Variants in A2ML1 observed in about 807,000 individuals in gnomAD.
A2ML1 encodes the protein alpha-2-macroglobulin-like protein 1.
In A2ML1, 161 loss-of-function variants were observed where a neutral mutation model predicts 181.9. That is an observed-to-expected ratio of 0.89 (90% CI 0.78 to 1.01). A2ML1 has a LOEUF of 1.01. Among genes scored for constraint, A2ML1 ranks in the 50% least tolerant of loss-of-function variants. The probability of loss-of-function intolerance (pLI) is 0.00; values close to 1 mark genes in which losing one functional copy is unlikely to be tolerated. For synonymous variants in A2ML1, 663 were observed against 666.8 expected (o/e 0.99, Z 0.09); for missense variants, 1,670 against 1,768.1 (o/e 0.94, Z 1.00).
downstream of A2ML1, among the ~76,000 whole-genome samples, chr12:8,880,340 G>C (rs1166942689): frequency 6.6e-6 from 1 of 152,068 alleles, no homozygotes; most frequent in Non-Finnish European, 1.5e-5. Context: ...CACTCCAGGA[G>C]CCTGGGCAAC....
At chr12:8,834,719 G>A (rs1943217463) in intron 5 of A2ML1, 37 bp downstream of exon 5, 1 of 1,612,842 alleles carries the variant, frequency 6.2e-7, no homozygotes, top group Non-Finnish European at 8.5e-7. Context: ...TGTCAGTTGT[G>A]GAAGAGGAAG....
chr12:8,866,864 G>A (rs10219707), intron 29 of A2ML1, among the ~76,000 whole-genome samples: 54,843 of 151,904 alleles, frequency 0.36, 11,469 homozygotes, highest in East Asian at 0.8. Flanking sequence ...GATATTTTTT[G>A]TAATAGATAT....
chr12:8,845,518 T>C lies in A2ML1; in HGVS notation c.1537+16T>C. ...AAGAAGAAAGGTGAGTGTACATGCT[T>C]TTCCCGGAAGCAAACAGGATATTTT... On this transcript the variant is annotated intron_variant, in intron 13 of 35. Coordinates refer to ENST00000299698, the MANE Select transcript of A2ML1 (RefSeq NM_144670.6). 1 of 1,613,858 alleles carries C rather than the reference T, an allele frequency of 6.2e-7. No homozygotes were observed. The highest frequency in any genetic ancestry group is 8.5e-7 in the Non-Finnish European group (1 of 1,179,836).
intron 33 of A2ML1, among the ~76,000 whole-genome samples, chr12:8,872,085 A>G (rs948323633): frequency 1.3e-5 from 2 of 151,916 alleles, no homozygotes; most frequent in African/African-American, 4.8e-5. Context: ...TGGCTGAGGC[A>G]CAAGAATGGC....
At chr12:8,868,904 A>G (rs1048515108) in intron 32 of A2ML1, among the ~76,000 whole-genome samples, 1 of 152,128 alleles carries the variant, frequency 6.6e-6, no homozygotes, top group Non-Finnish European at 1.5e-5. Context: ...GTATGTACAT[A>G]TATGTGTGCA....
In A2ML1 at chr12:8,858,104, T is replaced by C. The variant is rs1256208613; in HGVS notation, c.3264+2T>C. ...AATCTCCTTCACACAGCTATGAAGG[T>C]GCGGATCTGTCCAGGAGCCTGCAGC... On this transcript the variant is annotated splice_donor_variant, in intron 26 of 35. Transcript: ENST00000299698. LOFTEE classifies it high-confidence loss of function. 2 of 1,613,710 alleles carry C rather than the reference T, an allele frequency of 1.2e-6. No homozygotes were observed. Among genetic ancestry groups the C allele is most frequent in the African/African-American group, 2.7e-5 (2 of 74,852 alleles).
intron 15 of A2ML1, among the ~76,000 whole-genome samples, chr12:8,848,297 A>G (rs980645858): frequency 1.3e-5 from 2 of 152,080 alleles, no homozygotes; most frequent in African/African-American, 2.4e-5. Flanking sequence ...CCTGACCAAC[A>G]TGGTGAAACC....
intron 4 of A2ML1, among the ~76,000 whole-genome samples, chr12:8,832,938 T>A (rs1012494917): frequency 4.6e-5 from 7 of 151,780 alleles, no homozygotes; most frequent in Admixed American, 4.6e-4. Flanking sequence ...ACTCAGTTAT[T>A]CAGAAACTCC....
At position 8,868,156 on chromosome 12, in the gene A2ML1, G is replaced by C. The variant is rs1244542279; in HGVS notation, c.3934-74G>C. 2.5e-6 allele frequency: 4 copies of C among 1,610,148 alleles called. No homozygotes were observed. In the African/African-American group the frequency reaches 5.4e-5, roughly 22 times the overall value. On this transcript the variant is annotated intron_variant, in intron 30 of 35. Transcript: ENST00000299698. The stretch of plus-strand genomic sequence containing the variant: ...CTCTCTCTTTCTTTCTCACTTGTAA[G>C]AAAAGTAGTTTGAACTGTACAATCT...
chr12:8,869,450 C>T (rs950262065), intron 33 of A2ML1, among the ~76,000 whole-genome samples: 11 of 148,940 alleles, frequency 7.4e-5, no homozygotes, highest in Non-Finnish European at 1.5e-4. Flanking sequence ...CTGGTAGACA[C>T]ATTTAAAAAG....
In A2ML1 at chr12:8,836,260, C is replaced by T; in HGVS notation, c.649C>T (p.Pro217Ser). Residue 217 changes from proline to serine, a missense_variant, in exon 7 of 36, where the codon CCG becomes TCG. Transcript: ENST00000299698. ...GTFSVEEYVL[P>S]KFKVEVVEPK... ...TCTCCTTTTACTCTCTTCAGTGCTG[C>T]CGAAGTTTAAGGTGGAAGTGGTGGA... The T allele has an allele frequency of 6.2e-7, 1 of 1,613,940 alleles. No homozygotes were observed. Among genetic ancestry groups the T allele is most frequent in the Non-Finnish European group, 8.5e-7 (1 of 1,179,936 alleles).
At chr12:8,836,640 T>C (rs1299160105) in intron 7 of A2ML1, among the ~76,000 whole-genome samples, 1 of 151,868 alleles carries the variant, frequency 6.6e-6, no homozygotes, top group African/African-American at 2.4e-5. Flanking sequence ...CGCGCCACCA[T>C]GCCTGGCTAA....
intron 26 of A2ML1, among the ~76,000 whole-genome samples, chr12:8,858,901 A>G (rs1380821907): frequency 6.6e-6 from 1 of 152,122 alleles, no homozygotes; most frequent in Admixed American, 6.6e-5. Flanking sequence ...TTTTGTAAGA[A>G]GTTTACTCTA....
At chr12:8,823,672 G>C in intron 2 of A2ML1, 48 bp from the exon 3 acceptor site, 1 of 1,583,204 alleles carries the variant, frequency 6.3e-7, no homozygotes. Flanking sequence ...AGTTGATTCT[G>C]TTCCCCCAAT....
Position 8,848,780 on chromosome 12 carries a change from C to T in A2ML1, c.1894C>T (p.Gln632Ter), listed in dbSNP as rs1943788800. ...CCCCTATCAAGTGGCTGAGTATGAT[C>T]AGTGTCCAGTGTCTGGCCCATGGGA... ...HYPYQVAEYD[Q>*]CPVSGPWDFP... The change falls in exon 16 of 36, where the codon CAG (glutamine) becomes TAG (stop). Residue 632 changes from glutamine (Q) to a stop codon, truncating the protein, a stop_gained. Coordinates refer to ENST00000299698, the MANE Select transcript of A2ML1 (RefSeq NM_144670.6). LOFTEE classifies it high-confidence loss of function. 3.1e-6 allele frequency: 5 copies of T among 1,614,032 alleles called. No individual in the cohort carries two copies. Among genetic ancestry groups the T allele is most frequent in the East Asian group, 2.2e-5 (1 of 44,864 alleles).
intron 2 of A2ML1, 37 bp from the exon 3 acceptor site, chr12:8,823,683 C>A: frequency 1.3e-6 from 2 of 1,599,658 alleles, no homozygotes; most frequent in Admixed American, 1.7e-5. Context: ...TTCCCCCAAT[C>A]CCTTACCCCT....
At chr12:8,871,474 GT>G (rs150812313) in intron 33 of A2ML1, among the ~76,000 whole-genome samples, 7,726 of 152,070 alleles carry the variant, frequency 0.051, 280 homozygotes, top group Non-Finnish European at 0.081. Context: ...GTTTTTGTTT[GT>G]TTGTTTAGTA....
intron 18 of A2ML1, 69 bp downstream of exon 18, chr12:8,850,343 G>A: frequency 8.1e-7 from 1 of 1,235,292 alleles, no homozygotes; most frequent in Non-Finnish European, 1.1e-6. Flanking sequence ...CCAACACTTT[G>A]GGAGGCTTAG....
intron 20 of A2ML1, 66 bp from the exon 21 acceptor site, chr12:8,854,062 A>G: frequency 6.9e-7 from 1 of 1,452,644 alleles, no homozygotes; most frequent in Non-Finnish European, 9.1e-7. Context: ...GCTGATCCAA[A>G]TGGGAATGGA....
Sources: allele counts gnomAD v4.1 joint callset (sites outside exome capture counted in the v4.1 genomes callset), GRCh38; gene constraint gnomAD v4.1.1; transcripts MANE v1.5; gene names NCBI Gene and HGNC (gene_info 2026-07-23, HGNC 2026-07-21).